PDE1C: variants seen among roughly 807,000 people sequenced by gnomAD.
PDE1C encodes dual specificity calcium/calmodulin-dependent 3',5'-cyclic nucleotide phosphodiesterase 1C.
PDE1C carries 62 observed loss-of-function variants against 93.1 expected under a neutral mutation model. That is an observed-to-expected ratio of 0.67 (90% CI 0.54 to 0.82). PDE1C has a LOEUF of 0.82. Among genes scored for constraint, PDE1C ranks in the 40% least tolerant of loss-of-function variants. The pLI, the probability that PDE1C is intolerant of heterozygous loss-of-function variation, is 0.00. For synonymous variants in PDE1C, 325 were observed against 310.1 expected (o/e 1.05, Z -0.50); for missense variants, 742 against 884.6 (o/e 0.84, Z 2.04).
chr7:31,664,694 C>A, the PDE1C span, among the ~76,000 whole-genome samples: 2 of 152,164 alleles, frequency 1.3e-5, no homozygotes, highest in Non-Finnish European at 2.9e-5. Context: ...ACAGGAATAG[C>A]CTCTCAAAGC....
chr7:32,318,310 C>G (rs969991324), intron 1 of PDE1C, among the ~76,000 whole-genome samples: 6 of 152,244 alleles, frequency 3.9e-5, no homozygotes, highest in African/African-American at 1.4e-4. Context: ...CTCCAAACCC[C>G]GAATGGCCTC....
chr7:31,992,376 T>G (rs962135992), intron 2 of PDE1C, among the ~76,000 whole-genome samples: 13 of 152,206 alleles, frequency 8.5e-5, no homozygotes, highest in African/African-American at 2.9e-4. Context: ...TCCAAGTGCC[T>G]TGGACATCAG....
chr7:32,209,646 AAG>A, intron 1 of PDE1C: 1 of 968,210 alleles, frequency 1.0e-6, no homozygotes, highest in South Asian at 1.6e-5. Flanking sequence ...GGCTGTATTT[AAG>A]AGTCTTTGTA....
intron 11 of PDE1C, among the ~76,000 whole-genome samples, chr7:31,833,240 T>C (rs925687111): frequency 5.9e-5 from 9 of 152,220 alleles, no homozygotes; most frequent in African/African-American, 2.2e-4. Context: ...GTTGTGAGGC[T>C]TCCTCAGCCC....
intron 3 of PDE1C, among the ~76,000 whole-genome samples, chr7:32,137,280 C>A (rs1338018592): frequency 6.6e-6 from 1 of 152,196 alleles, no homozygotes; most frequent in Non-Finnish European, 1.5e-5. Flanking sequence ...TACACCCCAG[C>A]CCCAGCACTT....
chr7:32,182,785 G>A (rs1803535368), intron 2 of PDE1C, among the ~76,000 whole-genome samples: 1 of 152,108 alleles, frequency 6.6e-6, no homozygotes, highest in African/African-American at 2.4e-5. Context: ...ACATAGTGCT[G>A]GAAGTTCTGG....
chr7:32,378,077 A>G (rs1784463859), intron 1 of PDE1C, among the ~76,000 whole-genome samples: 1 of 152,212 alleles, frequency 6.6e-6, no homozygotes, highest in Non-Finnish European at 1.5e-5. Flanking sequence ...AAGGAATTGG[A>G]TTTCTGTTAC....
chr7:32,110,512 G>C (rs1463853088), intron 3 of PDE1C, among the ~76,000 whole-genome samples: 1 of 151,638 alleles, frequency 6.6e-6, no homozygotes, highest in Non-Finnish European at 1.5e-5. Flanking sequence ...ATCATTGAAG[G>C]ACTAACCTCA....
chr7:32,356,556 A>T (rs1784032806), intron 1 of PDE1C, among the ~76,000 whole-genome samples: 1 of 152,222 alleles, frequency 6.6e-6, no homozygotes, highest in African/African-American at 2.4e-5. Context: ...TTATATTCAC[A>T]AATCATCGTG....
intron 2 of PDE1C, among the ~76,000 whole-genome samples, chr7:32,024,319 T>C (rs760403237): frequency 6.6e-6 from 1 of 151,832 alleles, no homozygotes; most frequent in Non-Finnish European, 1.5e-5. Context: ...CTTTTTACAA[T>C]AAGGACATTA....
intron 17 of PDE1C, among the ~76,000 whole-genome samples, chr7:31,772,569 G>T (rs1047480266): frequency 1.0e-4 from 15 of 146,780 alleles, no homozygotes; most frequent in African/African-American, 3.5e-4. Flanking sequence ...TTTTTTAAAA[G>T]ATATATTTTT....
intron 3 of PDE1C, among the ~76,000 whole-genome samples, chr7:32,139,837 T>C (rs1239420871): frequency 6.6e-6 from 1 of 152,160 alleles, no homozygotes; most frequent in Non-Finnish European, 1.5e-5. Flanking sequence ...TCTCATCTTC[T>C]GCCAGAGCTG....
chr7:31,709,191 C>T, the PDE1C span, among the ~76,000 whole-genome samples: 16 of 152,256 alleles, frequency 1.1e-4, no homozygotes, highest in African/African-American at 2.9e-4. Flanking sequence ...ACTCTGAAAA[C>T]CTTCATCGTT....
At chr7:31,850,779 C>A (rs1001838384) in intron 7 of PDE1C, 38 bp from the exon 8 acceptor site, 2 of 1,461,832 alleles carry the variant, frequency 1.4e-6, no homozygotes, top group Admixed American at 1.7e-5. Flanking sequence ...TAATCTGTTT[C>A]TTTCTCAAAG....
chr7:31,630,196 A>G, the PDE1C span, among the ~76,000 whole-genome samples: 1 of 149,824 alleles, frequency 6.7e-6, no homozygotes, highest in Non-Finnish European at 1.5e-5. Flanking sequence ...TATGAGTTCT[A>G]AATTACCAGA....
At chr7:32,178,310 T>A (rs1803145866) in intron 2 of PDE1C, among the ~76,000 whole-genome samples, 1 of 152,190 alleles carries the variant, frequency 6.6e-6, no homozygotes, top group African/African-American at 2.4e-5. Context: ...AGTACTCTCC[T>A]CTGTGAACTC....
chr7:32,048,119 A>G (rs1792851040), intron 2 of PDE1C, among the ~76,000 whole-genome samples: 1 of 152,230 alleles, frequency 6.6e-6, no homozygotes, highest in African/African-American at 2.4e-5. Context: ...TCATCAAATG[A>G]GGAATCCACC....
the PDE1C span, among the ~76,000 whole-genome samples, chr7:31,654,341 A>C: frequency 6.6e-6 from 1 of 152,152 alleles, no homozygotes; most frequent in African/African-American, 2.4e-5. Context: ...GCGGTGGGGC[A>C]TGGAGATGGA....
intron 2 of PDE1C, among the ~76,000 whole-genome samples, chr7:31,940,060 A>G (rs34794532): frequency 0.19 from 29,303 of 152,208 alleles, 3,663 homozygotes; most frequent in Non-Finnish European, 0.28. Context: ...CACCGGGGGA[A>G]GTTTTTAGAA....
Sources: gnomAD v4.1 joint callset for allele counts (sites outside exome capture counted in the v4.1 genomes callset) on GRCh38, gnomAD v4.1.1 for gene constraint, MANE v1.5 for transcripts, NCBI Gene and HGNC (gene_info 2026-07-23, HGNC 2026-07-21) for gene names.